ITFG1: variants seen among roughly 807,000 people sequenced by gnomAD.
ITFG1 encodes T-cell immunomodulatory protein.
In ITFG1, 34 loss-of-function variants were observed where a neutral mutation model predicts 81.8. The observed-to-expected ratio is 0.42, with a 90% CI of 0.32 to 0.55. The LOEUF is 0.55. Ranked by LOEUF, ITFG1 falls within the 20% of genes least tolerant of loss-of-function variation. The pLI is 0.17. For missense variants in ITFG1, 672 were observed against 755.4 expected (o/e 0.89, Z 1.29); for synonymous variants, 285 against 270.6 (o/e 1.05, Z -0.52).
At chr16:47,243,145 G>A (rs1350017189) in intron 12 of ITFG1, among the ~76,000 whole-genome samples, 1 of 152,044 alleles carries the variant, frequency 6.6e-6, no homozygotes, top group Non-Finnish European at 1.5e-5. Context: ...ATTAAATTAT[G>A]TTGTAACCAT....
chr16:47,251,048 T>C (rs1029848723), intron 12 of ITFG1, among the ~76,000 whole-genome samples: 1 of 152,236 alleles, frequency 6.6e-6, no homozygotes, highest in Non-Finnish European at 1.5e-5. Flanking sequence ...TGCACAGTGT[T>C]GCCCAAAACA....
At chr16:47,185,700 C>A (rs1287816380) in intron 14 of ITFG1, among the ~76,000 whole-genome samples, 2 of 152,066 alleles carry the variant, frequency 1.3e-5, no homozygotes, top group African/African-American at 4.8e-5. Flanking sequence ...ATTAAAAGAA[C>A]TAGAAAAGCA....
intron 1 of ITFG1, 106 bp from the exon 2 acceptor site, chr16:47,459,281 A>G: frequency 2.8e-6 from 2 of 722,672 alleles, no homozygotes; most frequent in Admixed American, 4.2e-5. Flanking sequence ...GAAAACTTTT[A>G]TTCTACTCCA....
At chr16:47,446,831 C>T (rs2151617026) in intron 5 of ITFG1, among the ~76,000 whole-genome samples, 1 of 151,636 alleles carries the variant, frequency 6.6e-6, no homozygotes, top group South Asian at 2.1e-4. Flanking sequence ...TCAAAGCCTG[C>T]TATATACATG....
At chr16:47,443,756 C>T (rs776344409) in intron 5 of ITFG1, among the ~76,000 whole-genome samples, 1 of 151,924 alleles carries the variant, frequency 6.6e-6, no homozygotes, top group East Asian at 1.9e-4. Context: ...TTTGGGGTGG[C>T]GGGATGGGGG....
At chr16:47,448,584 C>T (rs1483889020) in intron 5 of ITFG1, 1 of 150,290 alleles carries the variant, frequency 6.7e-6, no homozygotes, top group African/African-American at 2.5e-5. Context: ...CGTATTTGAA[C>T]TCAGTACGTG....
At chr16:47,426,780 G>A (rs1305478111) in intron 6 of ITFG1, among the ~76,000 whole-genome samples, 2 of 152,090 alleles carry the variant, frequency 1.3e-5, no homozygotes, top group African/African-American at 4.8e-5. Context: ...CCAGAATTAA[G>A]AGGTTTAAAT....
chr16:47,229,988 A>G (rs1567429948), intron 13 of ITFG1, among the ~76,000 whole-genome samples: 1 of 152,184 alleles, frequency 6.6e-6, no homozygotes, highest in African/African-American at 2.4e-5. Flanking sequence ...ATTATCAGTT[A>G]TTGTTGTTAT....
At chr16:47,381,885 C>T (rs1250471088) in intron 6 of ITFG1, among the ~76,000 whole-genome samples, 1 of 152,084 alleles carries the variant, frequency 6.6e-6, no homozygotes, top group Non-Finnish European at 1.5e-5. Context: ...AAGGCCTTAA[C>T]TTAAATAAGT....
At position 47,260,438 on chromosome 16, in the gene ITFG1, G is replaced by A. The variant is rs1213791304; in HGVS notation, c.1221+107C>T. ...GGGGCTTTCCTTAATTAACTCATTT[G>A]CTTTTTGTTGTGTTGTCCACATTTT... is the stretch of plus-strand genomic sequence containing the variant. On this transcript the variant is annotated intron_variant, in intron 11 of 17. Transcript: ENST00000320640. The A allele has an allele frequency of 9.3e-6, 11 of 1,185,932 alleles. No homozygotes were observed. The East Asian group carries it at 2.4e-4, about 25-fold the overall frequency. The allele number at this position is 1,185,932 out of a possible 1,614,324, so 73.5% of individuals were successfully genotyped here. A position where few individuals can be genotyped will look rare whatever the true frequency, so the allele number is the denominator to read the frequency against.
intron 8 of ITFG1, among the ~76,000 whole-genome samples, chr16:47,326,407 C>G (rs181491521): frequency 4.1e-4 from 62 of 152,292 alleles, no homozygotes; most frequent in African/African-American, 1.5e-3. Flanking sequence ...CCTTTGAAAA[C>G]TGGCACAAGA....
intron 5 of ITFG1, among the ~76,000 whole-genome samples, chr16:47,437,034 A>G (rs1024963735): frequency 3.3e-5 from 5 of 152,206 alleles, no homozygotes; most frequent in Non-Finnish European, 5.9e-5. Flanking sequence ...TTTGCCAATA[A>G]TATACGGTTT....
intron 8 of ITFG1, among the ~76,000 whole-genome samples, chr16:47,360,326 C>T (rs1968093382): frequency 6.6e-6 from 1 of 152,106 alleles, no homozygotes; most frequent in Non-Finnish European, 1.5e-5. Context: ...TACAGTAGTA[C>T]ATTTAAGAGA....
intron 12 of ITFG1, among the ~76,000 whole-genome samples, chr16:47,244,671 T>C (rs1965978567): frequency 6.9e-6 from 1 of 144,316 alleles, no homozygotes; most frequent in African/African-American, 2.6e-5. Context: ...CTGTATGTTA[T>C]GGACTGAATG....
At chr16:47,398,144 A>G (rs1180077132) in intron 6 of ITFG1, among the ~76,000 whole-genome samples, 1 of 152,232 alleles carries the variant, frequency 6.6e-6, no homozygotes, top group African/African-American at 2.4e-5. Flanking sequence ...TTAAAGCTGC[A>G]TGGCTTTTAA....
intron 6 of ITFG1, among the ~76,000 whole-genome samples, chr16:47,387,893 A>C (rs1402564122): frequency 1.3e-5 from 2 of 152,176 alleles, no homozygotes; most frequent in African/African-American, 4.8e-5. Flanking sequence ...GACCAGATGT[A>C]AATTTCACAG....
chr16:47,352,256 T>A (rs1427387779), intron 8 of ITFG1, among the ~76,000 whole-genome samples: 1 of 152,098 alleles, frequency 6.6e-6, no homozygotes, highest in African/African-American at 2.4e-5. Context: ...GAAACCACCA[T>A]CAGAGTGAAC....
At chr16:47,378,408 T>C (rs1968354170) in intron 6 of ITFG1, among the ~76,000 whole-genome samples, 1 of 152,176 alleles carries the variant, frequency 6.6e-6, no homozygotes, top group South Asian at 2.1e-4. Flanking sequence ...AGGGGGATAG[T>C]TAGAGGGAGT....
intron 8 of ITFG1, among the ~76,000 whole-genome samples, chr16:47,353,353 T>G (rs1967993296): frequency 6.6e-6 from 1 of 152,132 alleles, no homozygotes; most frequent in Non-Finnish European, 1.5e-5. Context: ...AGTATCCCTT[T>G]GTGATAAAAA....
Sources: gnomAD v4.1 joint callset for allele counts (sites outside exome capture counted in the v4.1 genomes callset) on GRCh38, gnomAD v4.1.1 for gene constraint, MANE v1.5 for transcripts, NCBI Gene and HGNC (gene_info 2026-07-23, HGNC 2026-07-21) for gene names.